BLOC1S6: variants seen among roughly 807,000 people sequenced by gnomAD.
BLOC1S6 encodes biogenesis of lysosomal organelles complex 1 subunit 6, also known as biogenesis of lysosome-related organelles complex 1 subunit 6.
A neutral mutation model predicts 24.7 loss-of-function variants in BLOC1S6; 24 were observed. The observed-to-expected ratio is 0.97, with a 90% CI of 0.70 to 1.37. The LOEUF (loss-of-function observed/expected upper bound fraction) is 1.37. Ranked by LOEUF, BLOC1S6 falls within the 40% of genes most tolerant of loss-of-function variation. BLOC1S6 has a pLI of 0.00. For missense variants in BLOC1S6, 175 were observed against 196.2 expected (o/e 0.89, Z 0.64); for synonymous variants, 76 against 72.6 (o/e 1.05, Z -0.23).
intron 2 of BLOC1S6, among the ~76,000 whole-genome samples, chr15:45,595,949 A>T (rs1431933573): frequency 6.6e-6 from 1 of 152,118 alleles, no homozygotes; most frequent in Non-Finnish European, 1.5e-5. Context: ...CTGGGATTAC[A>T]GGCATGCACC....
chr15:45,592,126 T>A lies in BLOC1S6; in HGVS notation c.83-9T>A, dbSNP rs750063892. Reference sequence around the variant, plus strand: ...AAAGGTTCCTAAATTTGATTTTTGCTGGGGACAGGTTTAAGTGACACTTCT... The same window carrying A: ...AAAGGTTCCTAAATTTGATTTTTGCAGGGGACAGGTTTAAGTGACACTTCT... On this transcript the variant is annotated splice_polypyrimidine_tract_variant and intron_variant, in intron 1 of 4. Coordinates refer to ENST00000220531, the MANE Select transcript of BLOC1S6 (RefSeq NM_012388.4). 6.2e-7 allele frequency: 1 copy of A among 1,613,954 alleles called. No individual in the cohort carries two copies. The highest frequency in any genetic ancestry group is 1.1e-5 in the South Asian group (1 of 91,040).
chr15:45,604,895 AAGTGTCCTCACAGAGATCATTCTGCTT>A (rs1263104851), intron 3 of BLOC1S6, among the ~76,000 whole-genome samples: 3 of 152,194 alleles, frequency 2.0e-5, no homozygotes, highest in Non-Finnish European at 4.4e-5. Flanking sequence ...TCAAGAAGGA[AAGTGTCCTCACAGAGATCATTCTGCTT>A]AGTCTGACTA....
chr15:45,602,332 G>A, intron 2 of BLOC1S6: 2 of 674,508 alleles, frequency 3.0e-6, no homozygotes, highest in Non-Finnish European at 5.3e-6. Flanking sequence ...AGTTTTACAA[G>A]CAAATGACAT....
rs760462749 is a variant in BLOC1S6 at position 45,605,389 on chromosome 15, T to C, written c.313-39T>C. ...ATTTATTCATTTTGATATTTTAGTC[T>C]ATTTTAACTTGACTTTTCATTTATT... On this transcript the variant is annotated intron_variant, in intron 3 of 4. Coordinates refer to ENST00000220531, the MANE Select transcript of BLOC1S6 (RefSeq NM_012388.4). The C allele has an allele frequency of 1.4e-6, 2 of 1,470,934 alleles. 1 individual carries two copies. The highest frequency in any genetic ancestry group is 2.3e-5 in the South Asian group (2 of 86,242). 91.1% of individuals were successfully genotyped at this position (1,470,934 alleles called of 1,614,324 possible).
upstream of BLOC1S6, chr15:45,587,329 C>A: frequency 9.7e-7 from 1 of 1,032,920 alleles, no homozygotes; most frequent in Non-Finnish European, 1.5e-6. Context: ...TCGCCCCCGT[C>A]ACTTCCGGGT....
intron 2 of BLOC1S6, among the ~76,000 whole-genome samples, chr15:45,593,042 A>G (rs528039584): frequency 1.6e-4 from 24 of 152,268 alleles, no homozygotes; most frequent in African/African-American, 5.5e-4. Flanking sequence ...AACTGTGCTT[A>G]TTTTATAATT....
intron 2 of BLOC1S6, among the ~76,000 whole-genome samples, chr15:45,597,519 C>T (rs1192171524): frequency 6.6e-6 from 1 of 152,102 alleles, no homozygotes; most frequent in Non-Finnish European, 1.5e-5. Context: ...CTTGGAGTAT[C>T]TCTCTATTAT....
intron 3 of BLOC1S6, among the ~76,000 whole-genome samples, chr15:45,603,756 C>A (rs1041217156): frequency 3.3e-5 from 5 of 152,038 alleles, no homozygotes; most frequent in Non-Finnish European, 7.4e-5. Context: ...AAGTAATGAA[C>A]CTTTGGGGTA....
intron 2 of BLOC1S6, among the ~76,000 whole-genome samples, chr15:45,596,060 C>A (rs1894064632): frequency 6.6e-6 from 1 of 152,198 alleles, no homozygotes; most frequent in African/African-American, 2.4e-5. Context: ...CTCGGCCTCC[C>A]AAAGTGCTGG....
intron 1 of BLOC1S6, among the ~76,000 whole-genome samples, chr15:45,590,888 T>C (rs945840936): frequency 6.6e-6 from 1 of 152,196 alleles, no homozygotes; most frequent in African/African-American, 2.4e-5. Flanking sequence ...AATTTTAGTG[T>C]ATAATTTTAG....
At chr15:45,597,273 T>G (rs1250546008) in intron 2 of BLOC1S6, among the ~76,000 whole-genome samples, 1 of 152,130 alleles carries the variant, frequency 6.6e-6, no homozygotes, top group African/African-American at 2.4e-5. Flanking sequence ...GGCCAGGAGT[T>G]GGAGACCAGC....
In BLOC1S6 at chr15:45,607,197, A is replaced by G. The variant is rs997702015; in HGVS notation, c.*683A>G. The G allele has an allele frequency of 1.0e-4, 16 of 152,430 alleles. No homozygotes were observed. The highest frequency in any genetic ancestry group is 3.9e-4 in the African/African-American group (16 of 41,454). 9.4% of individuals were successfully genotyped at this position (152,430 alleles called of 1,614,324 possible). On this transcript the variant is annotated 3_prime_UTR_variant, in exon 5 of 5. Transcript: ENST00000220531. ...AAAGAGGTGAGCCTTTGTGAAGAAC[A>G]TAATGGAAAAGTGCATGTACGGGAA...
At position 45,605,402 on chromosome 15, in the gene BLOC1S6, CTTTTCATTTAT is replaced by C. The variant is rs1566904991; in HGVS notation, c.313-20_313-10del. 2 of 1,548,200 alleles carry C rather than the reference CTTTTCATTTAT, an allele frequency of 1.3e-6. No individual in the cohort carries two copies. The highest frequency in any genetic ancestry group is 3.3e-5 in the Admixed American group (2 of 59,712). On this transcript the variant is annotated splice_polypyrimidine_tract_variant and intron_variant, in intron 3 of 4. Coordinates refer to ENST00000220531, the MANE Select transcript of BLOC1S6 (RefSeq NM_012388.4). The stretch of plus-strand genomic sequence containing the variant: ...GATATTTTAGTCTATTTTAACTTGA[CTTTTCATTTAT>C]TTTTCCATGTTAAGTTTGCTGAGGC...
intron 1 of BLOC1S6, chr15:45,591,900 G>C (rs2140904181): frequency 3.9e-6 from 2 of 514,964 alleles, no homozygotes; most frequent in East Asian, 7.0e-5. Flanking sequence ...GACTGTGTGT[G>C]TGCCCTCAAC....
intron 2 of BLOC1S6, among the ~76,000 whole-genome samples, chr15:45,595,889 C>T (rs1271628151): frequency 1.3e-5 from 2 of 152,144 alleles, no homozygotes; most frequent in African/African-American, 2.4e-5. Flanking sequence ...CTCACCACAA[C>T]GTCTGCCTCC....
intron 2 of BLOC1S6, among the ~76,000 whole-genome samples, chr15:45,594,618 C>G (rs187664098): frequency 6.6e-6 from 1 of 152,318 alleles, no homozygotes; most frequent in East Asian, 1.9e-4. Flanking sequence ...GAGTCTCATT[C>G]TGTCATCCAG....
At chr15:45,590,792 G>A (rs763843858) in intron 1 of BLOC1S6, among the ~76,000 whole-genome samples, 79 of 152,254 alleles carry the variant, frequency 5.2e-4, no homozygotes, top group Admixed American at 1.2e-3. Flanking sequence ...TGTGATAACT[G>A]TTCTATAGAG....
intron 1 of BLOC1S6, chr15:45,591,848 G>A (rs949949078): frequency 5.3e-6 from 2 of 379,330 alleles, no homozygotes; most frequent in Non-Finnish European, 9.6e-6. Flanking sequence ...GAAGCTCAGA[G>A]GTAAAAGTTT....
Position 45,606,660 on chromosome 15 carries a change from T to A in BLOC1S6, c.*146T>A. Reference sequence around the variant, plus strand: ...GTATTACTGTGTCTCCATGCCTTTTTTCCAAGTAGCAGACGTCATGTTGCA... The same window carrying A: ...GTATTACTGTGTCTCCATGCCTTTTATCCAAGTAGCAGACGTCATGTTGCA... On this transcript the variant is annotated 3_prime_UTR_variant, in exon 5 of 5. Coordinates refer to ENST00000220531, the MANE Select transcript of BLOC1S6 (RefSeq NM_012388.4). 1 of 1,141,998 alleles carries A rather than the reference T, an allele frequency of 8.8e-7. No individual in the cohort carries two copies. The highest frequency in any genetic ancestry group is 1.4e-5 in the South Asian group (1 of 74,026). 70.7% of individuals were successfully genotyped at this position (1,141,998 alleles called of 1,614,324 possible).
Sources: allele counts gnomAD v4.1 joint callset (sites outside exome capture counted in the v4.1 genomes callset), GRCh38; gene constraint gnomAD v4.1.1; transcripts MANE v1.5; gene names NCBI Gene and HGNC (gene_info 2026-07-23, HGNC 2026-07-21).